PHRF1: variants seen among roughly 807,000 people sequenced by gnomAD.
PHRF1 encodes the protein PHD and RING finger domain-containing protein 1.
A neutral mutation model predicts 128.9 loss-of-function variants in PHRF1; 53 were observed. The ratio of observed to expected loss-of-function variants is 0.41; its 90% CI spans 0.33 to 0.52. PHRF1 has a LOEUF of 0.52. Among genes scored for constraint, PHRF1 ranks in the 20% least tolerant of loss-of-function variants. The pLI, the probability that PHRF1 is intolerant of heterozygous loss-of-function variation, is 0.21. For missense variants in PHRF1, 2,503 were observed against 2,284.5 expected, an observed-to-expected ratio of 1.10 and a Z score of -1.95; for synonymous variants, 1,178 against 980.6, an observed-to-expected ratio of 1.20 and a Z score of -3.76.
At chr11:604,536 CAG>C (rs1855831749) in intron 10 of PHRF1, among the ~76,000 whole-genome samples, 3 of 152,204 alleles carry the variant, frequency 2.0e-5, no homozygotes, top group Admixed American at 1.3e-4. Flanking sequence ...GTTTTTGAGA[CAG>C]AGTCTCGCTC....
At chr11:605,868 G>T (rs1442979239) in intron 12 of PHRF1, 144 bp downstream of exon 12, 3 of 1,332,232 alleles carry the variant, frequency 2.3e-6, no homozygotes, top group Non-Finnish European at 3.0e-6. Context: ...CTCATCAGTC[G>T]GCCCTTGGCG....
At chr11:596,499 G>C (rs60676339) in intron 6 of PHRF1, among the ~76,000 whole-genome samples, 5,978 of 152,316 alleles carry the variant, frequency 0.039, 403 homozygotes, top group African/African-American at 0.14. Context: ...CTGTCGGCCT[G>C]TGGGTGTGTG....
chr11:579,204 A>G (rs1296532140), intron 1 of PHRF1, among the ~76,000 whole-genome samples: 1 of 142,202 alleles, frequency 7.0e-6, no homozygotes, highest in African/African-American at 2.8e-5. Flanking sequence ...CACTCGGGAC[A>G]GTTGGACCCT....
chr11:589,575 G>GC (rs1854802955), intron 4 of PHRF1, among the ~76,000 whole-genome samples: 1 of 90,284 alleles, frequency 1.1e-5, no homozygotes, highest in Non-Finnish European at 2.6e-5. Context: ...GGACACACTC[G>GC]GGGGGGCAGG....
At position 606,932 on chromosome 11, in the gene PHRF1, G is replaced by A. The variant is rs1855984097; in HGVS notation, c.1610-134G>A. ...AGCTCTCCGGGTGTGGAAAGGCGAG[G>A]TGTCCACCTCAACAGGCAGACAGGA... On this transcript the variant is annotated intron_variant, in intron 13 of 17. Transcript: ENST00000264555. 7.3e-6 allele frequency: 10 copies of A among 1,377,942 alleles called. No homozygotes were observed. In the East Asian group the frequency reaches 2.1e-4, roughly 30 times the overall value. The allele number at this position is 1,377,942 out of a possible 1,614,324, so 85.4% of individuals were successfully genotyped here.
intron 4 of PHRF1, among the ~76,000 whole-genome samples, chr11:590,969 C>G (rs1341955068): frequency 1.3e-5 from 2 of 152,166 alleles, no homozygotes; most frequent in African/African-American, 2.4e-5. Flanking sequence ...TCCCAAAGTG[C>G]TGGGATTACA....
intron 1 of PHRF1, among the ~76,000 whole-genome samples, chr11:579,336 C>T (rs1238789674): frequency 2.6e-5 from 4 of 151,846 alleles, no homozygotes; most frequent in East Asian, 1.9e-4. Flanking sequence ...AGTCTGCCTC[C>T]CTCTTTCAGA....
chr11:589,246 G>A (rs7116322), intron 4 of PHRF1, among the ~76,000 whole-genome samples: 4,691 of 152,254 alleles, frequency 0.031, 258 homozygotes, highest in African/African-American at 0.11. Context: ...TAAGTCATAA[G>A]GAGACGTGTA....
At position 587,290 on chromosome 11, in the gene PHRF1, A is replaced by C. The variant is rs950213925; in HGVS notation, c.246A>C (p.Thr82=). 3.7e-6 allele frequency: 6 copies of C among 1,613,522 alleles called. No homozygotes were observed. The highest frequency in any genetic ancestry group is 5.1e-6 in the Non-Finnish European group (6 of 1,179,856). ...GSEDSEDDGE[T]LLEVAGTQGK... is the part of the protein sequence containing the mutation. The stretch of plus-strand genomic sequence containing the variant: ...AGGATTCTGAAGACGACGGGGAGAC[A>C]TTGCTGGAGGTAGCGGGTACTCAGG... Residue 82 remains threonine, a synonymous_variant, in exon 4 of 18, where the codon ACA becomes ACC. Transcript: ENST00000264555.
chr11:602,113 CAG>C (rs1855659817), intron 10 of PHRF1, among the ~76,000 whole-genome samples: 1 of 152,254 alleles, frequency 6.6e-6, no homozygotes, highest in African/African-American at 2.4e-5. Flanking sequence ...CCGTGTCTGA[CAG>C]GCCCTGTCCA....
chr11:610,489 T>C lies in PHRF1; in HGVS notation c.4417-12T>C. 6.3e-7 allele frequency: 1 copy of C among 1,599,030 alleles called. No homozygotes were observed. The highest frequency in any genetic ancestry group is 1.7e-5 in the Admixed American group (1 of 59,562). On this transcript the variant is annotated splice_polypyrimidine_tract_variant and intron_variant, in intron 15 of 17. Transcript: ENST00000264555. ...TGTAGGGCCCAGTGCTCAGCAGGGG[T>C]GTCCCTCCCAGGTTTACAGCCCCGG...
At chr11:586,411 T>A (rs1337593550) in intron 3 of PHRF1, among the ~76,000 whole-genome samples, 2 of 152,250 alleles carry the variant, frequency 1.3e-5, no homozygotes, top group Non-Finnish European at 2.9e-5. Flanking sequence ...TCTGGGTGTG[T>A]CTTTCCCTTT....
Position 608,149 on chromosome 11 carries a change from C to T in PHRF1, c.2693C>T (p.Pro898Leu), listed in dbSNP as rs770649752. 2.5e-5 allele frequency: 41 copies of T among 1,611,026 alleles called. No homozygotes were observed. Among genetic ancestry groups the T allele is most frequent in the Middle Eastern group, 1.6e-4 (1 of 6,084 alleles). Residue 898 changes from proline to leucine, a missense_variant, in exon 14 of 18, where the codon CCG (proline) becomes CTG (leucine). Transcript: ENST00000264555. The part of the protein sequence containing the change: ...FGTEPEPPLG[P>L]SSAMSKLRGA... ...ACAGAGCCCGAACCCCCTCTCGGAC[C>T]GTCCTCCGCCATGTCCAAGCTCCGG...
chr11:576,621 G>C (rs1470726985), intron 1 of PHRF1, 29 bp downstream of exon 1: 1 of 150,516 alleles, frequency 6.6e-6, no homozygotes, highest in Non-Finnish European at 1.5e-5. Flanking sequence ...CCGGCCCTGG[G>C]GGCCCTGCTC....
At chr11:587,871 T>A (rs1854674135) in intron 4 of PHRF1, among the ~76,000 whole-genome samples, 1 of 152,208 alleles carries the variant, frequency 6.6e-6, no homozygotes, top group South Asian at 2.1e-4. Flanking sequence ...TCATTCACAA[T>A]AACTGGCATC....
chr11:590,874 T>C (rs1854929965), intron 4 of PHRF1, among the ~76,000 whole-genome samples: 1 of 152,078 alleles, frequency 6.6e-6, no homozygotes, highest in African/African-American at 2.4e-5. Context: ...TAGCTAATTT[T>C]GTATTTTTAG....
Position 610,336 on chromosome 11 carries a change from G to A in PHRF1, c.4405G>A (p.Asp1469Asn). The change falls in exon 15 of 18, where the codon GAC becomes AAC. Residue 1469 changes from aspartate (D) to asparagine (N), a missense_variant. By Grantham distance (23) the Asp-to-Asn change is conservative (BLOSUM62 1). Coordinates refer to ENST00000264555, the MANE Select transcript of PHRF1 (RefSeq NM_001286581.2). ...TCCGGAACCCGGGTTCCCAGACACA[G>A]ACCCCTCTCAGGTGGGTGTCTGGGC... is the stretch of plus-strand genomic sequence containing the variant. ...VLPEPGFPDT[D>N]PSQVYSPGLP... is the part of the protein sequence containing the mutation. The A allele has an allele frequency of 6.4e-7, 1 of 1,565,852 alleles. No homozygotes were observed. Among genetic ancestry groups the A allele is most frequent in the Non-Finnish European group, 8.7e-7 (1 of 1,155,456 alleles).
At position 610,367 on chromosome 11, in the gene PHRF1, G is replaced by A; in HGVS notation, c.4416+20G>A. On this transcript the variant is annotated intron_variant, in intron 15 of 17. Coordinates refer to ENST00000264555, the MANE Select transcript of PHRF1 (RefSeq NM_001286581.2). ...TCTCAGGTGGGTGTCTGGGCTGGAG[G>A]GCTGTGGGCCGTGGGCAGTGGCCTG... is the stretch of plus-strand genomic sequence containing the variant. 1 of 1,548,006 alleles carries A rather than the reference G, an allele frequency of 6.5e-7. No homozygotes were observed.
At chr11:606,384 T>C in intron 12 of PHRF1, 58 bp from the exon 13 acceptor site, 1 of 1,494,414 alleles carries the variant, frequency 6.7e-7, no homozygotes, top group Non-Finnish European at 8.9e-7. Flanking sequence ...TCTGCCTGGG[T>C]GCGGGCCCTC....
Sources: gnomAD v4.1 joint callset for allele counts (sites outside exome capture counted in the v4.1 genomes callset) on GRCh38, gnomAD v4.1.1 for gene constraint, MANE v1.5 for transcripts, NCBI Gene and HGNC (gene_info 2026-07-23, HGNC 2026-07-21) for gene names.